Variants in PLCB4 observed in about 807,000 individuals in gnomAD.
The protein encoded by PLCB4 is 1-phosphatidylinositol 4,5-bisphosphate phosphodiesterase beta-4.
Under a neutral mutation model 178.8 loss-of-function variants are expected in PLCB4, and 77 were observed. The observed-to-expected ratio is 0.43, with a 90% CI of 0.36 to 0.52. The LOEUF is 0.52. Ranked by LOEUF, PLCB4 falls within the 20% of genes least tolerant of loss-of-function variation. PLCB4 has a pLI of 0.00. For synonymous variants in PLCB4, 496 were observed against 490.8 expected (o/e 1.01, Z -0.14); for missense variants, 1,024 against 1,453.4 (o/e 0.70, Z 4.80).
chr20:9,137,983 G>A (rs2092417004), intron 2 of PLCB4, among the ~76,000 whole-genome samples: 1 of 152,066 alleles, frequency 6.6e-6, no homozygotes, highest in Admixed American at 6.6e-5. Flanking sequence ...ATATTTTTAA[G>A]TGTTATAAGT....
rs1013292159 is a variant in PLCB4 at position 9,337,306 on chromosome 20, A to T, written c.165+100A>T. On this transcript the variant is annotated intron_variant, in intron 5 of 39. Transcript: ENST00000378473. ...AGTGCTGTTGATGAACCCTACCCTT[A>T]TTCATTCATTCAAGATTTTTAAAAA... 4 of 778,992 alleles carry T rather than the reference A, an allele frequency of 5.1e-6. No individual in the cohort carries two copies. In the South Asian group the frequency reaches 6.0e-5, roughly 12 times the overall value. 48.3% of individuals were successfully genotyped at this position (778,992 alleles called of 1,614,324 possible). A position where few individuals can be genotyped will look rare whatever the true frequency, so the allele number is the denominator to read the frequency against.
intron 2 of PLCB4, among the ~76,000 whole-genome samples, chr20:9,144,680 AAGGAGGGGG>A (rs2092559167): frequency 4.2e-5 from 5 of 118,562 alleles, no homozygotes; most frequent in East Asian, 3.1e-4. Flanking sequence ...GAGGAGGGGG[AAGGAGGGGG>A]AGGAGGGGAA....
At chr20:9,342,189 A>G (rs539683334) in intron 7 of PLCB4, among the ~76,000 whole-genome samples, 4 of 152,270 alleles carry the variant, frequency 2.6e-5, no homozygotes, top group African/African-American at 9.6e-5. Flanking sequence ...CTATTCCTCT[A>G]TATGTGTTTC....
At chr20:9,239,853 A>G (rs1226002054) in intron 3 of PLCB4, among the ~76,000 whole-genome samples, 1 of 152,194 alleles carries the variant, frequency 6.6e-6, no homozygotes, top group Non-Finnish European at 1.5e-5. Flanking sequence ...GTGTCAGTCC[A>G]AGAGTCCAAA....
chr20:9,262,723 A>C (rs1369336896), intron 3 of PLCB4, among the ~76,000 whole-genome samples: 6 of 152,168 alleles, frequency 3.9e-5, no homozygotes, highest in African/African-American at 1.4e-4. Context: ...TAAGATCCTG[A>C]CATCTGAGAC....
intron 25 of PLCB4, among the ~76,000 whole-genome samples, chr20:9,416,282 G>A (rs898395775): frequency 6.6e-6 from 1 of 152,102 alleles, no homozygotes. Context: ...TTCTTATTTT[G>A]GTGGGTAGGA....
At chr20:9,223,529 G>A (rs2093825447) in intron 3 of PLCB4, among the ~76,000 whole-genome samples, 1 of 152,172 alleles carries the variant, frequency 6.6e-6, no homozygotes, top group African/African-American at 2.4e-5. Context: ...GGAAGAGCAG[G>A]CAGCTGGTAT....
At chr20:9,155,925 A>G (rs2092780201) in intron 2 of PLCB4, among the ~76,000 whole-genome samples, 1 of 152,154 alleles carries the variant, frequency 6.6e-6, no homozygotes, top group African/African-American at 2.4e-5. Context: ...TAAATACAGT[A>G]TGGACAATAA....
intron 27 of PLCB4, among the ~76,000 whole-genome samples, chr20:9,423,296 A>G (rs2040774157): frequency 6.6e-6 from 1 of 152,232 alleles, no homozygotes. Flanking sequence ...GAGATACTTT[A>G]TTTATTCAGA....
intron 2 of PLCB4, among the ~76,000 whole-genome samples, chr20:9,175,974 C>T (rs2093148006): frequency 6.6e-6 from 1 of 152,130 alleles, no homozygotes; most frequent in African/African-American, 2.4e-5. Context: ...TAGGACCTTT[C>T]TGGCACCCCA....
Position 9,160,306 on chromosome 20 carries a change from GA to G in PLCB4, c.-78-57080del, listed in dbSNP as rs1393327618. Among the ~76,000 whole-genome samples, 4 of 152,264 alleles carry G rather than the reference GA, an allele frequency of 2.6e-5. No individual in the cohort carries two copies. The East Asian group carries it at 5.8e-4, about 22-fold the overall frequency. ...CGTTAGAAGTGTGTCCTGGCTTGGG[GA>G]AAAGATGAAAGAAGTCCAGGATAGT... On this transcript the variant is annotated intron_variant, in intron 2 of 39. Transcript: ENST00000378473.
chr20:9,338,825 T>C (rs909587501), intron 6 of PLCB4, 69 bp from the exon 7 acceptor site: 1 of 1,219,922 alleles, frequency 8.2e-7, no homozygotes, highest in African/African-American at 1.5e-5. Context: ...GGTTTCTTTT[T>C]ACCACGTTTC....
At chr20:9,456,420 T>C (rs1047057409) in intron 33 of PLCB4, among the ~76,000 whole-genome samples, 4 of 152,136 alleles carry the variant, frequency 2.6e-5, no homozygotes, top group African/African-American at 9.7e-5. Flanking sequence ...CAAGCTAAAG[T>C]TGGGAAAATT....
intron 1 of PLCB4, among the ~76,000 whole-genome samples, chr20:9,080,917 C>A (rs2090112950): frequency 6.6e-6 from 1 of 152,194 alleles, no homozygotes; most frequent in South Asian, 2.1e-4. Context: ...AACAAGCTAT[C>A]CATCTGTTGA....
chr20:9,164,565 T>C (rs111415458), intron 2 of PLCB4, among the ~76,000 whole-genome samples: 236 of 152,304 alleles, frequency 1.5e-3, no homozygotes, highest in African/African-American at 5.2e-3. Flanking sequence ...TTTAAAATTA[T>C]ATTAAATATT....
chr20:9,170,771 G>A (rs920120871), intron 2 of PLCB4, among the ~76,000 whole-genome samples: 1 of 152,176 alleles, frequency 6.6e-6, no homozygotes, highest in Non-Finnish European at 1.5e-5. Context: ...CCTGATGTGG[G>A]TTCACAGAGT....
chr20:9,417,002 T>C (rs1248912494), intron 25 of PLCB4, among the ~76,000 whole-genome samples: 1 of 152,198 alleles, frequency 6.6e-6, no homozygotes, highest in African/African-American at 2.4e-5. Context: ...GGTTGTATTT[T>C]AACAGATAAT....
At chr20:9,385,724 G>C (rs1396257291) in intron 14 of PLCB4, among the ~76,000 whole-genome samples, 1 of 129,594 alleles carries the variant, frequency 7.7e-6, no homozygotes, top group South Asian at 2.9e-4. Flanking sequence ...GGCGCTCCTC[G>C]CTTCCCAGAC....
intron 27 of PLCB4, among the ~76,000 whole-genome samples, chr20:9,421,963 C>T (rs1213818984): frequency 6.6e-6 from 1 of 152,102 alleles, no homozygotes; most frequent in Non-Finnish European, 1.5e-5. Flanking sequence ...TTATTTTTTT[C>T]TCCTAATACC....
Sources: allele counts gnomAD v4.1 joint callset (sites outside exome capture counted in the v4.1 genomes callset), GRCh38; gene constraint gnomAD v4.1.1; transcripts MANE v1.5; gene names NCBI Gene and HGNC (gene_info 2026-07-23, HGNC 2026-07-21).